ACADVL: variants seen among roughly 807,000 people sequenced by gnomAD.
ACADVL encodes very long-chain acyl-CoA dehydrogenase, mitochondrial.
Under a neutral mutation model 80.4 loss-of-function variants are expected in ACADVL, and 73 were observed. The observed-to-expected ratio is 0.91, with a 90% CI of 0.75 to 1.10. The LOEUF (loss-of-function observed/expected upper bound fraction) is 1.10, where lower values mean the gene tolerates loss of function less well. Among genes scored for constraint, ACADVL ranks in the 50% least tolerant of loss-of-function variants. ACADVL has a pLI of 0.00. For synonymous variants in ACADVL, 392 were observed against 326.5 expected (o/e 1.20, Z -2.16); for missense variants, 878 against 858.9 (o/e 1.02, Z -0.28).
In ACADVL at chr17:7,222,067, C is replaced by T. The variant is rs766004704; in HGVS notation, c.738C>T (p.Ser246=). ...GAAAATACTATACCCTCAATGGAAG[C>T]AAGCTTTGGATCAGGCAACCTGCCT... ...PCGKYYTLNG[S]KLWISNGGLA... is the part of the protein sequence containing the mutation. Residue 246 remains serine, a synonymous_variant, in exon 8 of 20, where the codon AGC becomes AGT. Coordinates refer to ENST00000356839, the MANE Select transcript of ACADVL (RefSeq NM_000018.4). 1 of 1,614,172 alleles carries T rather than the reference C, an allele frequency of 6.2e-7. No individual in the cohort carries two copies. Among genetic ancestry groups the T allele is most frequent in the Non-Finnish European group, 8.5e-7 (1 of 1,180,032 alleles).
In ACADVL at chr17:7,221,034, T is replaced by A. The variant is rs1334605712; in HGVS notation, c.453T>A (p.Gly151=). ...GTCTGCAAGTGCCCAGTGAGCTGGG[T>A]GGTGTGGGCCTTTGCAACACCCAGG... is the stretch of plus-strand genomic sequence containing the variant. The part of the protein sequence containing the change: ...AFGLQVPSEL[G]GVGLCNTQYA... Residue 151 remains glycine (G), a synonymous_variant, in exon 6 of 20, where the codon GGT becomes GGA. Transcript: ENST00000356839. 6.2e-7 allele frequency: 1 copy of A among 1,613,786 alleles called. No individual in the cohort carries two copies. The highest frequency in any genetic ancestry group is 8.5e-7 in the Non-Finnish European group (1 of 1,179,984).
chr17:7,222,247 G>A lies in ACADVL; in HGVS notation c.823G>A (p.Val275Met), dbSNP rs761199646. The change falls in exon 9 of 20, where the codon GTG (valine) becomes ATG (methionine). Residue 275 changes from valine (V) to methionine (M), a missense_variant. Coordinates refer to ENST00000356839, the MANE Select transcript of ACADVL (RefSeq NM_000018.4). ...TPVTDPATGA[V>M]KEKITAFVVE... The stretch of plus-strand genomic sequence containing the variant: ...AGTTACAGATCCAGCCACAGGAGCC[G>A]TGAAGGAGAAGATCACAGCTTTTGT... 20 of 1,614,008 alleles carry A rather than the reference G, an allele frequency of 1.2e-5. No individual in the cohort carries two copies. Among genetic ancestry groups the A allele is most frequent in the Middle Eastern group, 1.6e-4 (1 of 6,084 alleles).
intron 6 of ACADVL, 73 bp downstream of exon 6, chr17:7,221,131 C>T (rs2071194182): frequency 2.5e-6 from 4 of 1,608,068 alleles, no homozygotes; most frequent in Admixed American, 1.7e-5. Context: ...TTGCCATAGA[C>T]CTAGAGACTA....
chr17:7,223,847 A>G lies in ACADVL; in HGVS notation c.1304A>G (p.Gln435Arg), dbSNP rs1187934147. 1 of 1,614,078 alleles carries G rather than the reference A, an allele frequency of 6.2e-7. No individual in the cohort carries two copies. Among genetic ancestry groups the G allele is most frequent in the Non-Finnish European group, 8.5e-7 (1 of 1,180,020 alleles). ...AAWKVTDECI[Q>R]IMGGMGFMKE... is the part of the protein sequence containing the mutation. Reference sequence around the variant, plus strand: ...TGGAAGGTGACAGATGAATGCATCCAAATCATGGGGGGTATGGGCTTCATG... The same window carrying G: ...TGGAAGGTGACAGATGAATGCATCCGAATCATGGGGGGTATGGGCTTCATG... The change falls in exon 13 of 20, where the codon CAA becomes CGA. Residue 435 changes from glutamine to arginine, a missense_variant. Coordinates refer to ENST00000356839, the MANE Select transcript of ACADVL (RefSeq NM_000018.4).
upstream of ACADVL, chr17:7,218,720 C>A: frequency 1.9e-6 from 3 of 1,555,700 alleles, no homozygotes; most frequent in Non-Finnish European, 2.6e-6. Context: ...TCTCCCCAGA[C>A]TGTGCCCTTC....
At chr17:7,221,169 C>T in intron 6 of ACADVL, 111 bp downstream of exon 6, 1 of 1,544,542 alleles carries the variant, frequency 6.5e-7, no homozygotes, top group African/African-American at 1.4e-5. Context: ...AAGCACCTGC[C>T]CTGGGTGCCT....
chr17:7,217,266 A>G, upstream of ACADVL: 3 of 1,011,468 alleles, frequency 3.0e-6, no homozygotes, highest in Non-Finnish European at 3.6e-6. Context: ...AGGGGGGGCC[A>G]GGATGGGGGG....
At chr17:7,219,936 C>CGGG (rs1555527399), upstream of ACADVL, 1 of 1,578,412 alleles carries the variant, frequency 6.3e-7, no homozygotes, top group Non-Finnish European at 8.6e-7. Context: ...GTGCAGGACG[C>CGGG]CAGAGCTGGG....
chr17:7,219,697 T>C, upstream of ACADVL: 1 of 1,375,194 alleles, frequency 7.3e-7, no homozygotes, highest in Admixed American at 3.0e-5. Flanking sequence ...CTTCCTCTTC[T>C]GTCCCATCCT....
rs2142989804 is a variant in ACADVL at position 7,224,656 on chromosome 17, C to T, written c.1693C>T (p.Leu565=). The change falls in exon 18 of 20, where the codon CTG becomes TTG. Residue 565 remains leucine (L), a synonymous_variant. Coordinates refer to ENST00000356839, the MANE Select transcript of ACADVL (RefSeq NM_000018.4). The part of the protein sequence containing the change: ...KKGIVNEQFL[L]QRLADGAIDL... ...CTACCGGACAGATGAACAGTTTCTG[C>T]TGCAGCGGCTGGCAGACGGGGCCAT... 1.5e-6 allele frequency: 2 copies of T among 1,304,180 alleles called. No homozygotes were observed. Among genetic ancestry groups the T allele is most frequent in the Non-Finnish European group, 2.0e-6 (2 of 990,104 alleles). The allele number at this position is 1,304,180 out of a possible 1,614,324, so 80.8% of individuals were successfully genotyped here. A position where few individuals can be genotyped will look rare whatever the true frequency, so the allele number is the denominator to read the frequency against.
intron 11 of ACADVL, 38 bp from the exon 12 acceptor site, chr17:7,223,606 G>A: frequency 6.2e-7 from 1 of 1,610,106 alleles, no homozygotes. Flanking sequence ...AAAGCCCTTT[G>A]CAATTTTCCT....
At chr17:7,219,469 G>C, upstream of ACADVL, 1 of 1,036,400 alleles carries the variant, frequency 9.6e-7, no homozygotes, top group Non-Finnish European at 1.2e-6. Context: ...ATACACTTAG[G>C]GTACTCACAC....
intron 11 of ACADVL, 82 bp downstream of exon 11, chr17:7,223,319 T>A (rs747835655): frequency 6.3e-6 from 8 of 1,267,092 alleles, no homozygotes; most frequent in Non-Finnish European, 9.2e-6. Context: ...CAGCAGCACC[T>A]GGGGCAGTGG....
Position 7,223,205 on chromosome 17 carries a change from G to A in ACADVL, c.1150G>A (p.Ala384Thr). The A allele has an allele frequency of 6.2e-7, 1 of 1,614,044 alleles. No individual in the cohort carries two copies. The highest frequency in any genetic ancestry group is 8.5e-7 in the Non-Finnish European group (1 of 1,179,930). The part of the protein sequence containing the change: ...HNFGLIQEKL[A>T]RMVMLQYVTE... Reference sequence around the variant, plus strand: ...CTTTGGGCTGATCCAGGAGAAGCTGGCACGGATGGTTATGCTGCAGTATGT... The same window carrying A: ...CTTTGGGCTGATCCAGGAGAAGCTGACACGGATGGTTATGCTGCAGTATGT... Residue 384 changes from alanine to threonine, a missense_variant, in exon 11 of 20, where the codon GCA (alanine) becomes ACA (threonine). Ala to Thr is a moderately conservative substitution (Grantham distance 58). Transcript: ENST00000356839.
At position 7,225,078 on chromosome 17, in the gene ACADVL, G is replaced by C; in HGVS notation, c.1949G>C (p.Ser650Thr). Residue 650 changes from serine to threonine, a missense_variant, in exon 20 of 20, where the codon AGC becomes ACC. Transcript: ENST00000356839. The stretch of plus-strand genomic sequence containing the variant: ...GTGGAGCGGGGTGGTGTGGTCACCA[G>C]CAACCCACTTGGCTTCTGAATACTC... ...ALVERGGVVT[S>T]NPLGF The C allele has an allele frequency of 6.2e-7, 1 of 1,614,102 alleles. No homozygotes were observed. The highest frequency in any genetic ancestry group is 1.1e-5 in the South Asian group (1 of 91,084).
upstream of ACADVL, chr17:7,217,630 A>G: frequency 3.5e-6 from 4 of 1,147,990 alleles, no homozygotes; most frequent in Non-Finnish European, 4.6e-6. Flanking sequence ...AGAGGAGGAG[A>G]GAGGAAGCAG....
At chr17:7,222,335 TGA>T in intron 9 of ACADVL, 33 bp downstream of exon 9, 2 of 1,609,644 alleles carry the variant, frequency 1.2e-6, no homozygotes, top group Non-Finnish European at 1.7e-6. Context: ...AGCTTAGGAC[TGA>T]GGGGCAGGAC....
At chr17:7,224,905 G>A (rs1332385483) in intron 19 of ACADVL, 21 bp downstream of exon 19, 1 of 1,614,030 alleles carries the variant, frequency 6.2e-7, no homozygotes, top group East Asian at 2.2e-5. Flanking sequence ...GGGCTGCCAA[G>A]CTCAGGTGAG....
intron 6 of ACADVL, 157 bp from the exon 7 acceptor site, chr17:7,221,381 C>T: frequency 7.5e-7 from 1 of 1,332,030 alleles, no homozygotes; most frequent in Non-Finnish European, 1.1e-6. Flanking sequence ...TTTGCACACC[C>T]CACTTCTTTT....
Sources: gnomAD v4.1 joint callset for allele counts on GRCh38, gnomAD v4.1.1 for gene constraint, MANE v1.5 for transcripts, NCBI Gene and HGNC (gene_info 2026-07-23, HGNC 2026-07-21) for gene names.